Variants in POGLUT1 observed in about 807,000 individuals in gnomAD.
POGLUT1 encodes 9630046K23Rik.
POGLUT1 carries 32 observed loss-of-function variants against 61.3 expected under a neutral mutation model. That is an observed-to-expected ratio of 0.52 (90% CI 0.39 to 0.70). POGLUT1 has a LOEUF of 0.70. Among genes scored for constraint, POGLUT1 ranks in the 30% least tolerant of loss-of-function variants. The probability of loss-of-function intolerance (pLI) is 0.00; values close to 1 mark genes in which losing one functional copy is unlikely to be tolerated. For synonymous variants in POGLUT1, 158 were observed against 158.2 expected, an observed-to-expected ratio of 1.00 and a Z score of 0.01; for missense variants, 411 against 469.8, an observed-to-expected ratio of 0.87 and a Z score of 1.16.
chr3:119,480,880 A>G (rs977369123), intron 5 of POGLUT1, among the ~76,000 whole-genome samples: 1 of 151,778 alleles, frequency 6.6e-6, no homozygotes, highest in African/African-American at 2.4e-5. Context: ...CTGGGATTAC[A>G]GGCATGTGCC....
rs945568066 is a variant in POGLUT1, at chr3:119,493,446, G to A, written c.*1008G>A. The A allele has an allele frequency of 6.6e-6, 1 of 151,994 alleles. No homozygotes were observed. The highest frequency in any genetic ancestry group is 2.4e-5 in the African/African-American group (1 of 41,374). 9.4% of individuals were successfully genotyped at this position (151,994 alleles called of 1,614,324 possible). ...TTTCACTTTTTGAAAAAGATGTTTT[G>A]GGTAGTAGTTTAATATCTCAGGGTG... On this transcript the variant is annotated 3_prime_UTR_variant, in exon 11 of 11. Coordinates refer to ENST00000295588, the MANE Select transcript of POGLUT1 (RefSeq NM_152305.3).
chr3:119,479,424 G>C (rs114641777), intron 4 of POGLUT1, among the ~76,000 whole-genome samples: 38 of 152,114 alleles, frequency 2.5e-4, no homozygotes, highest in Non-Finnish European at 5.0e-4. Flanking sequence ...AGAATTTTAC[G>C]TGTATCAACT....
intron 4 of POGLUT1, among the ~76,000 whole-genome samples, chr3:119,478,697 T>A (rs912861231): frequency 1.3e-5 from 2 of 152,202 alleles, no homozygotes; most frequent in Non-Finnish European, 2.9e-5. Flanking sequence ...ATGAATCACA[T>A]TTTTTACATA....
intron 1 of POGLUT1, chr3:119,469,331 G>A (rs2081438520): frequency 1.7e-6 from 1 of 587,118 alleles, no homozygotes; most frequent in African/African-American, 1.9e-5. Context: ...CAGAATGACA[G>A]GGAGGAGAGG....
intron 9 of POGLUT1, among the ~76,000 whole-genome samples, 174 bp from the exon 10 acceptor site, chr3:119,491,343 GT>G (rs561930105): frequency 1.3e-5 from 2 of 149,546 alleles, no homozygotes; most frequent in South Asian, 2.1e-4. Context: ...GTGTGTGGGG[GT>G]TTTTTTTTGT....
At chr3:119,477,279 A>G (rs1451495966) in intron 3 of POGLUT1, 34 bp from the exon 4 acceptor site, 2 of 1,611,422 alleles carry the variant, frequency 1.2e-6, no homozygotes, top group South Asian at 2.2e-5. Context: ...TGCAGGCACT[A>G]CTCTGCTGAA....
intron 10 of POGLUT1, 55 bp from the exon 11 acceptor site, chr3:119,492,224 ACTG>A: frequency 7.9e-7 from 1 of 1,271,464 alleles, no homozygotes; most frequent in East Asian, 2.4e-5. Flanking sequence ...TCAAATGCAG[ACTG>A]CTATTATCAT....
intron 3 of POGLUT1, among the ~76,000 whole-genome samples, chr3:119,475,954 C>CCACACACA (rs539140166): frequency 0.034 from 4,394 of 130,858 alleles, 88 homozygotes; most frequent in African/African-American, 0.053. Flanking sequence ...GACTGTCTCT[C>CCACACACA]CACACACACA....
chr3:119,470,143 C>T (rs1371835673), intron 2 of POGLUT1, among the ~76,000 whole-genome samples: 1 of 152,216 alleles, frequency 6.6e-6, no homozygotes, highest in Non-Finnish European at 1.5e-5. Context: ...CTGCAAGCTT[C>T]CTGAGGTCAG....
intron 6 of POGLUT1, 30 bp from the exon 7 acceptor site, chr3:119,486,803 A>G: frequency 6.9e-7 from 1 of 1,455,100 alleles, no homozygotes; most frequent in Non-Finnish European, 9.7e-7. Flanking sequence ...TACAGGCCAC[A>G]CAGTTTTATG....
At chr3:119,480,620 C>T (rs185941808) in intron 5 of POGLUT1, among the ~76,000 whole-genome samples, 4 of 152,158 alleles carry the variant, frequency 2.6e-5, no homozygotes, top group East Asian at 1.9e-4. Flanking sequence ...CAATTTTGTA[C>T]GTGTCTAATA....
chr3:119,480,271 G>A (rs1198853917), intron 5 of POGLUT1, 99 bp downstream of exon 5: 26 of 991,518 alleles, frequency 2.6e-5, no homozygotes, highest in South Asian at 3.9e-5. Context: ...TTTTTGAGAC[G>A]GAGTTTCGCC....
At chr3:119,490,309 A>G in intron 8 of POGLUT1, 1 of 506,186 alleles carries the variant, frequency 2.0e-6, no homozygotes, top group South Asian at 2.3e-5. Context: ...TGCTGTCTGG[A>G]GAAAATATCC....
At chr3:119,491,483 C>T (rs988323398) in intron 9 of POGLUT1, 35 bp from the exon 10 acceptor site, 2 of 1,060,616 alleles carry the variant, frequency 1.9e-6, no homozygotes, top group Non-Finnish European at 1.4e-6. Context: ...TGAAGTTGGT[C>T]TATATTTCAC....
chr3:119,477,208 A>G, intron 3 of POGLUT1, 105 bp from the exon 4 acceptor site: 1 of 1,090,580 alleles, frequency 9.2e-7, no homozygotes, highest in Non-Finnish European at 1.4e-6. Context: ...GATATGGAAC[A>G]CTGGAACACT....
chr3:119,479,269 C>T lies in POGLUT1; in HGVS notation c.457-782C>T, dbSNP rs891138284. Among the ~76,000 whole-genome samples, 6 of 152,142 alleles carry T rather than the reference C, an allele frequency of 3.9e-5. No homozygotes were observed. In the East Asian group the frequency reaches 9.6e-4, roughly 24 times the overall value. ...AAAGATATGTGATAACACCCCTTCT[C>T]ATTTTGCTCATCCATACTTCTGACC... On this transcript the variant is annotated intron_variant, in intron 4 of 10. Coordinates refer to ENST00000295588, the MANE Select transcript of POGLUT1 (RefSeq NM_152305.3).
chr3:119,481,008 G>A (rs1362694654), intron 5 of POGLUT1, among the ~76,000 whole-genome samples: 4 of 152,098 alleles, frequency 2.6e-5, no homozygotes, highest in African/African-American at 7.2e-5. Flanking sequence ...CCAAAGTGCT[G>A]GGATTACAGG....
chr3:119,476,493 A>G (rs576122680), intron 3 of POGLUT1, among the ~76,000 whole-genome samples: 32 of 149,832 alleles, frequency 2.1e-4, no homozygotes, highest in Admixed American at 6.7e-4. Context: ...CTGTGTCACT[A>G]TGTTGCTGGT....
chr3:119,469,175 C>T (rs942397973), intron 1 of POGLUT1, 69 bp downstream of exon 1: 2 of 1,266,890 alleles, frequency 1.6e-6, no homozygotes, highest in African/African-American at 2.9e-5. Flanking sequence ...AGGCGCTCCC[C>T]CGCGCGGCCG....
Sources: gnomAD v4.1 joint callset for allele counts (sites outside exome capture counted in the v4.1 genomes callset) on GRCh38, gnomAD v4.1.1 for gene constraint, MANE v1.5 for transcripts, NCBI Gene and HGNC (gene_info 2026-07-23, HGNC 2026-07-21) for gene names.